The following PSG5 variants were observed in gnomAD, a reference collection of about 807,000 sequenced individuals.
PSG5 encodes pregnancy-specific beta-1-glycoprotein 5.
Under a neutral mutation model 37.7 loss-of-function variants are expected in PSG5, and 53 were observed. That is an observed-to-expected ratio of 1.41 (90% CI 1.13 to 1.77). PSG5 has a LOEUF of 1.77. Among genes scored for constraint, PSG5 ranks in the 40% most tolerant of loss-of-function variants. PSG5 has a pLI of 0.00. For synonymous variants in PSG5, 221 were observed against 155.4 expected, an observed-to-expected ratio of 1.42 and a Z score of -3.14; for missense variants, 547 against 405.2, an observed-to-expected ratio of 1.35 and a Z score of -3.00.
intron 5 of PSG5, among the ~76,000 whole-genome samples, chr19:43,168,606 T>C (rs1968837966): frequency 6.6e-6 from 1 of 151,678 alleles, no homozygotes; most frequent in Non-Finnish European, 1.5e-5. Flanking sequence ...TCTCCTGACA[T>C]CGTGATGTGC....
rs553210384 is a variant in PSG5, at chr19:43,174,935, C to T, written c.964+280G>A. 2.8e-4 allele frequency: 363 copies of T among 1,298,618 alleles called. 8 individuals carry two copies. In the African/African-American group the frequency reaches 4.6e-3, roughly 16 times the overall value. The allele number at this position is 1,298,618 out of a possible 1,614,324, so 80.4% of individuals were successfully genotyped here. ...ACTTGATCTTGAGGACTCTCCTTCT[C>T]ATCCCTCTGTGAAGCCTCCTCTACC... On this transcript the variant is annotated intron_variant, in intron 4 of 5. Transcript: ENST00000342951.
chr19:43,173,830 A>T (rs1191452592), intron 4 of PSG5, among the ~76,000 whole-genome samples: 1 of 151,598 alleles, frequency 6.6e-6, no homozygotes, highest in African/African-American at 2.4e-5. Context: ...AAATTAAACA[A>T]TAACTTACCA....
At chr19:43,171,767 G>C (rs1273090486) in intron 4 of PSG5, among the ~76,000 whole-genome samples, 1 of 151,378 alleles carries the variant, frequency 6.6e-6, no homozygotes, top group Non-Finnish European at 1.5e-5. Flanking sequence ...CCAGGTGTTT[G>C]GACCAGCATG....
In PSG5 at chr19:43,175,331, C is replaced by A; in HGVS notation, c.848G>T (p.Gly283Val). The change falls in exon 4 of 6, where the codon GGA becomes GTA. Residue 283 changes from glycine (G) to valine (V), a missense_variant. Transcript: ENST00000342951. Reference sequence around the variant, plus strand: ...AATTTGGGGGATAGAGAGCTTTTGTCCTGATTGCTGAAACTTCCCATTAAT... The same window carrying A: ...AATTTGGGGGATAGAGAGCTTTTGTACTGATTGCTGAAACTTCCCATTAAT... Reference protein sequence around the residue: ...WTINGKFQQSGQKLSIPQITT... With the variant: ...WTINGKFQQSVQKLSIPQITT... The A allele has an allele frequency of 6.2e-7, 1 of 1,612,804 alleles. No individual in the cohort carries two copies.
chr19:43,178,772 G>A lies in PSG5; in HGVS notation c.431-2624C>T, dbSNP rs145534521. 2.9e-3 allele frequency: 4,616 copies of A among 1,606,706 alleles called. 191 individuals carry two copies. In the African/African-American group the frequency reaches 0.054, roughly 19 times the overall value. ...AGTCATGGCCAGCTTTGATGTCCAG[G>A]GGTAAAGGTCTCTGTACTTGGACCT... On this transcript the variant is annotated intron_variant, in intron 2 of 5. Transcript: ENST00000342951.
At chr19:43,178,980 A>T (rs779477108) in intron 2 of PSG5, 10 of 1,612,646 alleles carry the variant, frequency 6.2e-6, no homozygotes, top group African/African-American at 2.7e-5. Context: ...ACCAAATATA[A>T]AGAGGGTCCT....
intron 2 of PSG5, among the ~76,000 whole-genome samples, chr19:43,178,541 T>C (rs1349598245): frequency 6.6e-6 from 1 of 151,476 alleles, no homozygotes; most frequent in African/African-American, 2.4e-5. Context: ...TCCTGGTCTG[T>C]GGAAGGGCCA....
At chr19:43,177,068 T>G (rs967878843) in intron 2 of PSG5, among the ~76,000 whole-genome samples, 2 of 151,498 alleles carry the variant, frequency 1.3e-5, no homozygotes, top group African/African-American at 2.4e-5. Context: ...TGAAGAGAAG[T>G]TTTGGGAATA....
At chr19:43,179,465 T>C (rs150135514) in intron 2 of PSG5, among the ~76,000 whole-genome samples, 1 of 151,804 alleles carries the variant, frequency 6.6e-6, no homozygotes, top group African/African-American at 2.4e-5. Flanking sequence ...CGACTAAAAC[T>C]GCCTGCCTGA....
chr19:43,172,656 T>G (rs1456109972), intron 4 of PSG5, among the ~76,000 whole-genome samples: 1 of 151,598 alleles, frequency 6.6e-6, no homozygotes, highest in Non-Finnish European at 1.5e-5. Context: ...AATAAAATAT[T>G]TAGGAATAAG....
chr19:43,178,228 G>A (rs578001744), intron 2 of PSG5, among the ~76,000 whole-genome samples: 3 of 151,694 alleles, frequency 2.0e-5, no homozygotes, highest in Admixed American at 6.6e-5. Flanking sequence ...CCACTTACCA[G>A]GGACTATGAT....
chr19:43,176,148 A>C lies in PSG5; in HGVS notation c.431T>G (p.Leu144Arg), dbSNP rs2355436. ...VTGYFTFNLY[L>R]KLPKPYITIN... Reference sequence around the variant, plus strand: ...GGTGATGTAGGGCTTGGGCAGCTTCACTGTGTGGATAACAGAGAGAAGATT... The same window carrying C: ...GGTGATGTAGGGCTTGGGCAGCTTCCCTGTGTGGATAACAGAGAGAAGATT... Residue 144 changes from leucine to arginine, a missense_variant and splice_region_variant, in exon 3 of 6, where the codon CTG becomes CGG. Transcript: ENST00000342951. The C allele has an allele frequency of 6.2e-7, 1 of 1,611,064 alleles. No individual in the cohort carries two copies. The highest frequency in any genetic ancestry group is 1.1e-5 in the South Asian group (1 of 90,986).
intron 1 of PSG5, among the ~76,000 whole-genome samples, chr19:43,185,735 G>T (rs1966921642): frequency 6.6e-6 from 1 of 151,580 alleles, no homozygotes; most frequent in South Asian, 2.1e-4. Flanking sequence ...CACACCCTTG[G>T]TGTTTTATTT....
At chr19:43,183,926 A>AT (rs11373621) in intron 2 of PSG5, among the ~76,000 whole-genome samples, 102,265 of 150,974 alleles carry the variant, frequency 0.68, 35,955 homozygotes, top group East Asian at 0.98. Flanking sequence ...TTTTCATGCT[A>AT]CTGTGAATAA....
Position 43,185,942 on chromosome 19 carries a change from C to T in PSG5, c.64+400G>A, listed in dbSNP as rs1038990917. ...GTATTTTACCCTATCCAGGCTCCAA[C>T]AGAGACTTCTTTCCTTTTTTTTCTT... On this transcript the variant is annotated intron_variant, in intron 1 of 5. Coordinates refer to ENST00000342951, the MANE Select transcript of PSG5 (RefSeq NM_002781.4). Among the ~76,000 whole-genome samples, 13 of 150,492 alleles carry T rather than the reference C, an allele frequency of 8.6e-5. 1 individual carries two copies. The highest frequency in any genetic ancestry group is 3.2e-4 in the African/African-American group (13 of 40,658).
chr19:43,186,254 AT>A (rs779632934), intron 1 of PSG5, 87 bp downstream of exon 1: 1 of 1,593,716 alleles, frequency 6.3e-7, no homozygotes, highest in Non-Finnish European at 8.6e-7. Flanking sequence ...GGCTTCTTTT[AT>A]TTTTTAGAAC....
rs1476544910 is a variant in PSG5, at chr19:43,185,094, C to G, written c.118G>C (p.Ala40Pro). The G allele has an allele frequency of 6.2e-7, 1 of 1,611,410 alleles. No individual in the cohort carries two copies. Among genetic ancestry groups the G allele is most frequent in the East Asian group, 2.2e-5 (1 of 44,876 alleles). ...LPITAQVTIE[A>P]LPPKVSEGKD... ...CCCTCGGAAACTTTGGGTGGCAGGG[C>G]TTCAATCGTGACTTGAGCAGTGATA... Residue 40 changes from alanine to proline, a missense_variant, in exon 2 of 6, where the codon GCC (alanine) becomes CCC (proline). Transcript: ENST00000342951.
chr19:43,175,620 G>A lies in PSG5; in HGVS notation c.710-151C>T. Reference sequence around the variant, plus strand: ...TATATTCACTGAGCCAAAGCCTGAGGTATTCACCTGTTTCTCCCATCACAA... The same window carrying A: ...TATATTCACTGAGCCAAAGCCTGAGATATTCACCTGTTTCTCCCATCACAA... On this transcript the variant is annotated intron_variant, in intron 3 of 5. Transcript: ENST00000342951. The A allele has an allele frequency of 5.7e-6, 8 of 1,415,440 alleles. No homozygotes were observed. In the South Asian group the frequency reaches 1.1e-4, roughly 20 times the overall value. The allele number at this position is 1,415,440 out of a possible 1,614,324, so 87.7% of individuals were successfully genotyped here.
rs190219452 is a variant in PSG5, at chr19:43,175,728, A to C, written c.709+142T>G. ...AAGGCTGTGCCTACCTAGGTTTTCC[A>C]AGGGCAGGGAGTCATGGCCAGCTCA... is the stretch of plus-strand genomic sequence containing the variant. On this transcript the variant is annotated intron_variant, in intron 3 of 5. Coordinates refer to ENST00000342951, the MANE Select transcript of PSG5 (RefSeq NM_002781.4). 5.1e-5 allele frequency: 76 copies of C among 1,492,904 alleles called. 2 individuals are homozygous for C. The highest frequency in any genetic ancestry group is 1.7e-4 in the African/African-American group (12 of 70,936). The allele number at this position is 1,492,904 out of a possible 1,614,324, so 92.5% of individuals were successfully genotyped here.
Sources: gnomAD v4.1 joint callset for allele counts (sites outside exome capture counted in the v4.1 genomes callset) on GRCh38, gnomAD v4.1.1 for gene constraint, MANE v1.5 for transcripts, NCBI Gene and HGNC (gene_info 2026-07-23, HGNC 2026-07-21) for gene names.